The following ADRA1B variants were observed in gnomAD, a reference collection of about 807,000 sequenced individuals.
ADRA1B encodes alpha-1B adrenergic receptor.
ADRA1B carries 17 observed loss-of-function variants against 17.9 expected under a neutral mutation model. That is an observed-to-expected ratio of 0.95 (90% CI 0.65 to 1.42). ADRA1B has a LOEUF of 1.42. ADRA1B is among the 40% of genes most tolerant of loss of function. ADRA1B has a pLI of 0.00. For missense variants in ADRA1B, 681 were observed against 722.1 expected, an observed-to-expected ratio of 0.94 and a Z score of 0.65; for synonymous variants, 366 against 327.6, an observed-to-expected ratio of 1.12 and a Z score of -1.27.
chr5:159,888,872 C>A (rs1484641338), intron 1 of ADRA1B, among the ~76,000 whole-genome samples: 1 of 152,202 alleles, frequency 6.6e-6, no homozygotes, highest in South Asian at 2.1e-4. Context: ...TACTTGTTTA[C>A]CTGAACTTCG....
intron 1 of ADRA1B, chr5:159,955,305 C>T (rs1403864153): frequency 1.9e-6 from 1 of 540,392 alleles, no homozygotes; most frequent in African/African-American, 2.1e-5. Context: ...CGAGAGGTGA[C>T]ACAGAGCCAT....
intron 1 of ADRA1B, among the ~76,000 whole-genome samples, chr5:159,971,281 A>G (rs948277660): frequency 6.6e-6 from 1 of 152,098 alleles, no homozygotes; most frequent in African/African-American, 2.4e-5. Context: ...CAATCCCTTG[A>G]CTGTTTTGGT....
At chr5:159,893,285 C>T (rs1235726018) in intron 1 of ADRA1B, among the ~76,000 whole-genome samples, 1 of 16,970 alleles carries the variant, frequency 5.9e-5, no homozygotes, top group Admixed American at 3.0e-4. Context: ...GTGACTTGAG[C>T]AGTTGATGCC....
chr5:159,892,687 G>A (rs1284965566), intron 1 of ADRA1B, among the ~76,000 whole-genome samples: 1 of 152,188 alleles, frequency 6.6e-6, no homozygotes, highest in Non-Finnish European at 1.5e-5. Flanking sequence ...CGGCTGCATA[G>A]TATTCCATGG....
intron 1 of ADRA1B, among the ~76,000 whole-genome samples, chr5:159,951,882 G>T (rs1356781074): frequency 6.6e-6 from 1 of 152,058 alleles, no homozygotes; most frequent in Non-Finnish European, 1.5e-5. Context: ...TTTGTTGCTG[G>T]CATTGCTCGT....
chr5:159,891,262 A>G (rs1753980686), intron 1 of ADRA1B, among the ~76,000 whole-genome samples: 2 of 152,246 alleles, frequency 1.3e-5, no homozygotes, highest in Non-Finnish European at 2.9e-5. Flanking sequence ...CAGGCTTATT[A>G]AATCAATAAA....
intron 1 of ADRA1B, among the ~76,000 whole-genome samples, chr5:159,885,549 C>T (rs1184540908): frequency 6.6e-6 from 1 of 152,214 alleles, no homozygotes. Context: ...AACACTAACA[C>T]ATCTAGATGT....
In ADRA1B at chr5:159,972,746, C is replaced by T. The variant is rs776207814; in HGVS notation, c.*254C>T. Among the ~76,000 whole-genome samples the T allele has an allele frequency of 2.6e-5, 4 of 152,312 alleles. No homozygotes were observed. Among genetic ancestry groups the T allele is most frequent in the Non-Finnish European group, 5.9e-5 (4 of 68,032 alleles). On this transcript the variant is annotated 3_prime_UTR_variant, in exon 2 of 2. Coordinates refer to ENST00000306675, the MANE Select transcript of ADRA1B (RefSeq NM_000679.4). ...CGCCGGGATTTACCTCTCTCTCTCC[C>T]TCTGTGTATATATAAACGAGTCCCT...
intron 1 of ADRA1B, among the ~76,000 whole-genome samples, chr5:159,905,942 C>T (rs1014886865): frequency 1.2e-4 from 19 of 152,032 alleles, no homozygotes; most frequent in African/African-American, 4.6e-4. Flanking sequence ...CTGCAACTTC[C>T]GCCTCCCAGG....
At chr5:159,941,923 T>C (rs1327609410) in intron 1 of ADRA1B, among the ~76,000 whole-genome samples, 1 of 146,410 alleles carries the variant, frequency 6.8e-6, no homozygotes, top group Non-Finnish European at 1.5e-5. Flanking sequence ...GGGTTTCTTT[T>C]TTTTTTTTTT....
downstream of ADRA1B, among the ~76,000 whole-genome samples, chr5:159,973,015 G>A (rs1044133098): frequency 4.6e-5 from 7 of 152,234 alleles, no homozygotes; most frequent in Admixed American, 6.5e-5. Flanking sequence ...CTCCTGTTCG[G>A]CTTTGAGTGG....
At chr5:159,890,206 C>T (rs75657114) in intron 1 of ADRA1B, among the ~76,000 whole-genome samples, 2,576 of 152,222 alleles carry the variant, frequency 0.017, 65 homozygotes, top group African/African-American at 0.059. Context: ...GCATTTCCTG[C>T]CATCTCCCAG....
intron 1 of ADRA1B, among the ~76,000 whole-genome samples, chr5:159,969,698 C>A (rs982688720): frequency 9.2e-5 from 14 of 152,070 alleles, no homozygotes; most frequent in African/African-American, 2.9e-4. Flanking sequence ...ACAAAATATG[C>A]CACAAGCCAA....
intron 1 of ADRA1B, among the ~76,000 whole-genome samples, chr5:159,891,931 G>T (rs572071989): frequency 6.6e-6 from 1 of 152,120 alleles, no homozygotes; most frequent in African/African-American, 2.4e-5. Context: ...GGGGTTCCTC[G>T]TGATAAATGA....
chr5:159,953,614 GC>G (rs1028334667), intron 1 of ADRA1B, among the ~76,000 whole-genome samples: 1 of 152,164 alleles, frequency 6.6e-6, no homozygotes, highest in African/African-American at 2.4e-5. Flanking sequence ...GTAATCTTGA[GC>G]AAATTCCTTA....
intron 1 of ADRA1B, among the ~76,000 whole-genome samples, chr5:159,891,066 C>A (rs1056572294): frequency 2.0e-5 from 3 of 152,280 alleles, no homozygotes; most frequent in South Asian, 2.1e-4. Context: ...ACCTACCCCC[C>A]CTCTAAGATG....
chr5:159,978,418 G>A, the ADRA1B span, among the ~76,000 whole-genome samples: 1 of 152,322 alleles, frequency 6.6e-6, no homozygotes, highest in Non-Finnish European at 1.5e-5. Flanking sequence ...AATGTCATCT[G>A]GGACTCATTG....
chr5:159,941,544 G>A (rs1198909554), intron 1 of ADRA1B, among the ~76,000 whole-genome samples: 2 of 152,152 alleles, frequency 1.3e-5, no homozygotes, highest in East Asian at 3.8e-4. Flanking sequence ...GGAGAGAATT[G>A]GAAACATGTC....
chr5:159,898,344 A>G (rs7712049), intron 1 of ADRA1B, among the ~76,000 whole-genome samples: 54,597 of 152,088 alleles, frequency 0.36, 10,269 homozygotes, highest in African/African-American at 0.45. Flanking sequence ...AGGGCAGAGA[A>G]AACTATCGCC....
Sources: allele counts gnomAD v4.1 joint callset (sites outside exome capture counted in the v4.1 genomes callset), GRCh38; gene constraint gnomAD v4.1.1; transcripts MANE v1.5; gene names NCBI Gene and HGNC (gene_info 2026-07-23, HGNC 2026-07-21).